NEDD4L: variants seen among roughly 807,000 people sequenced by gnomAD.
NEDD4L encodes E3 ubiquitin-protein ligase NEDD4-like.
A neutral mutation model predicts 148.9 loss-of-function variants in NEDD4L; 54 were observed. That is an observed-to-expected ratio of 0.36 (90% CI 0.29 to 0.45). The LOEUF (loss-of-function observed/expected upper bound fraction) is 0.45, where lower values mean the gene tolerates loss of function less well. Ranked by LOEUF, NEDD4L falls within the 20% of genes least tolerant of loss-of-function variation. The pLI is 1.00. For missense variants in NEDD4L, 856 were observed against 1,233.8 expected, an observed-to-expected ratio of 0.69 and a Z score of 4.59; for synonymous variants, 433 against 440.7, an observed-to-expected ratio of 0.98 and a Z score of 0.22.
At chr18:58,320,261 C>G (rs2058659449) in intron 6 of NEDD4L, among the ~76,000 whole-genome samples, 1 of 152,198 alleles carries the variant, frequency 6.6e-6, no homozygotes, top group Admixed American at 6.5e-5. Flanking sequence ...TCTCCCTGTT[C>G]TCTACCTCTC....
At chr18:58,157,615 C>T (rs2035669081) in intron 1 of NEDD4L, among the ~76,000 whole-genome samples, 1 of 151,950 alleles carries the variant, frequency 6.6e-6, no homozygotes, top group Non-Finnish European at 1.5e-5. Context: ...TCTGAAGTAG[C>T]CTTGGTTTCG....
intron 29 of NEDD4L, among the ~76,000 whole-genome samples, chr18:58,391,004 G>T (rs569285507): frequency 1.3e-3 from 200 of 151,380 alleles, no homozygotes; most frequent in Admixed American, 3.5e-3. Context: ...TCCTAGTTTA[G>T]TTTTTTAGTA....
chr18:58,065,265 A>C (rs965102670), intron 1 of NEDD4L, among the ~76,000 whole-genome samples: 3 of 152,128 alleles, frequency 2.0e-5, no homozygotes, highest in Admixed American at 6.6e-5. Context: ...TTTCATTGTC[A>C]CCATCAGATG....
chr18:58,105,968 A>G (rs1357715743), intron 1 of NEDD4L, among the ~76,000 whole-genome samples: 4 of 152,254 alleles, frequency 2.6e-5, no homozygotes. Flanking sequence ...TTATGAAAAA[A>G]GAAACCTTAG....
At chr18:58,292,757 A>G (rs1249639544) in intron 5 of NEDD4L, among the ~76,000 whole-genome samples, 1 of 152,246 alleles carries the variant, frequency 6.6e-6, no homozygotes, top group Admixed American at 6.5e-5. Flanking sequence ...TGAGCTTATT[A>G]TGCATTACTT....
intron 1 of NEDD4L, among the ~76,000 whole-genome samples, chr18:58,058,843 T>C (rs1472036585): frequency 6.6e-6 from 1 of 152,204 alleles, no homozygotes; most frequent in Admixed American, 6.5e-5. Context: ...CTGACAGCAA[T>C]GAAGGATTGT....
chr18:58,184,882 G>T (rs917617634), intron 2 of NEDD4L, among the ~76,000 whole-genome samples: 3 of 151,768 alleles, frequency 2.0e-5, no homozygotes, highest in Non-Finnish European at 4.4e-5. Context: ...GAGCCGAGAT[G>T]GCACCACTGC....
intron 13 of NEDD4L, among the ~76,000 whole-genome samples, chr18:58,339,396 GC>G (rs1389551127): frequency 6.6e-6 from 1 of 152,168 alleles, no homozygotes; most frequent in Admixed American, 6.5e-5. Flanking sequence ...TGGCATCGCT[GC>G]TAGAGGAGGA....
intron 1 of NEDD4L, among the ~76,000 whole-genome samples, chr18:58,081,810 T>C (rs2083446262): frequency 6.6e-6 from 1 of 152,126 alleles, no homozygotes; most frequent in Non-Finnish European, 1.5e-5. Flanking sequence ...TGCTGAACTT[T>C]CTGGTTTTTT....
At chr18:58,263,660 C>CTT (rs71173041) in intron 5 of NEDD4L, among the ~76,000 whole-genome samples, 43,316 of 103,380 alleles carry the variant, frequency 0.42, 9,907 homozygotes, top group South Asian at 0.62. Flanking sequence ...ACTTCTTAGG[C>CTT]TTTTTTTTTT....
rs578012086 is a variant in NEDD4L at position 58,150,739 on chromosome 18, T to C, written c.49-15049T>C. On this transcript the variant is annotated intron_variant, in intron 1 of 30. Transcript: ENST00000400345. Reference sequence around the variant, plus strand: ...TGCATTCCATCAGGTGACTGACCCCTTTGTGAGCTGTAGTGGTCAGTCCCA... The same window carrying C: ...TGCATTCCATCAGGTGACTGACCCCCTTGTGAGCTGTAGTGGTCAGTCCCA... Among the ~76,000 whole-genome samples, 20 of 152,316 alleles carry C rather than the reference T, an allele frequency of 1.3e-4. No individual in the cohort carries two copies. In the East Asian group the frequency reaches 3.9e-3, roughly 29 times the overall value.
At chr18:58,106,345 A>G (rs1442844151) in intron 1 of NEDD4L, among the ~76,000 whole-genome samples, 3 of 152,216 alleles carry the variant, frequency 2.0e-5, no homozygotes, top group Non-Finnish European at 4.4e-5. Context: ...TCTTATCTGT[A>G]GGTATTTAAG....
intron 5 of NEDD4L, chr18:58,255,836 C>T (rs1010835704): frequency 8.1e-7 from 1 of 1,232,506 alleles, no homozygotes; most frequent in African/African-American, 1.6e-5. Flanking sequence ...CGTGGGTGCG[C>T]TTAAGCGGAG....
intron 13 of NEDD4L, among the ~76,000 whole-genome samples, chr18:58,339,231 T>C (rs1196977839): frequency 1.3e-5 from 2 of 152,070 alleles, no homozygotes; most frequent in Non-Finnish European, 2.9e-5. Flanking sequence ...TGTAACACAT[T>C]CCATTTAGTA....
chr18:58,310,188 G>A (rs2057523063), intron 5 of NEDD4L, among the ~76,000 whole-genome samples: 1 of 152,154 alleles, frequency 6.6e-6, no homozygotes, highest in East Asian at 1.9e-4. Context: ...TGGTTTTCCT[G>A]GGGCCTGTAA....
intron 2 of NEDD4L, among the ~76,000 whole-genome samples, chr18:58,173,308 G>A (rs2037725382): frequency 6.6e-6 from 1 of 152,166 alleles, no homozygotes; most frequent in East Asian, 1.9e-4. Flanking sequence ...TAGCAATGTT[G>A]GCTGAGACAA....
chr18:58,195,268 TC>T (rs2147263469), intron 2 of NEDD4L: 4 of 473,260 alleles, frequency 8.5e-6, no homozygotes, highest in South Asian at 8.3e-5. Flanking sequence ...TATCATAACT[TC>T]CCTGGTGTTG....
chr18:58,132,729 T>C (rs1794576626), intron 1 of NEDD4L, among the ~76,000 whole-genome samples: 1 of 152,262 alleles, frequency 6.6e-6, no homozygotes, highest in East Asian at 1.9e-4. Context: ...TGCTGAGGAC[T>C]TTGAACTGAG....
chr18:58,287,256 TTACC>T (rs1479256078), intron 5 of NEDD4L, among the ~76,000 whole-genome samples: 1 of 152,210 alleles, frequency 6.6e-6, no homozygotes, highest in Non-Finnish European at 1.5e-5. Flanking sequence ...TCATTTCTGT[TTACC>T]TACTGCCAAA....
Sources: gnomAD v4.1 joint callset for allele counts (sites outside exome capture counted in the v4.1 genomes callset) on GRCh38, gnomAD v4.1.1 for gene constraint, MANE v1.5 for transcripts, NCBI Gene and HGNC (gene_info 2026-07-23, HGNC 2026-07-21) for gene names.